Variants in EPB41L3 observed in about 807,000 individuals in gnomAD.
The protein encoded by EPB41L3 is erythrocyte membrane protein band 4.1 like 3.
In EPB41L3, 57 loss-of-function variants were observed where a neutral mutation model predicts 127.1. The observed-to-expected ratio is 0.45, with a 90% confidence interval of 0.36 to 0.56. The LOEUF (loss-of-function observed/expected upper bound fraction) is 0.56. Ranked by LOEUF, EPB41L3 falls within the 20% of genes least tolerant of loss-of-function variation. The probability of loss-of-function intolerance (pLI) is 0.00; values close to 1 mark genes in which losing one functional copy is unlikely to be tolerated. For synonymous variants in EPB41L3, 572 were observed against 549.5 expected (o/e 1.04, Z -0.57); for missense variants, 1,273 against 1,372.2 (o/e 0.93, Z 1.14).
chr18:5,569,443 C>T (rs1479107899), intron 3 of EPB41L3, among the ~76,000 whole-genome samples: 1 of 152,126 alleles, frequency 6.6e-6, no homozygotes, highest in Non-Finnish European at 1.5e-5. Flanking sequence ...AGTAGTCCCC[C>T]TAATTAGAGA....
intron 3 of EPB41L3, among the ~76,000 whole-genome samples, chr18:5,563,854 C>A (rs2094164548): frequency 1.3e-5 from 2 of 152,164 alleles, no homozygotes; most frequent in Non-Finnish European, 1.5e-5. Flanking sequence ...ATATTTCTAA[C>A]AATCCGTAAA....
intron 16 of EPB41L3, chr18:5,400,246 G>T (rs1454197825): frequency 1.1e-5 from 2 of 178,970 alleles, no homozygotes; most frequent in Non-Finnish European, 2.4e-5. Context: ...AGAAACTTTT[G>T]TATTCAGGGA....
At chr18:5,524,514 G>C (rs1417869297) in intron 1 of EPB41L3, among the ~76,000 whole-genome samples, 1 of 152,120 alleles carries the variant, frequency 6.6e-6, no homozygotes, top group African/African-American at 2.4e-5. Flanking sequence ...AACTACTATA[G>C]TACACAGCTA....
chr18:5,439,681 T>A (rs2035320841), intron 5 of EPB41L3, among the ~76,000 whole-genome samples: 1 of 152,210 alleles, frequency 6.6e-6, no homozygotes, highest in Admixed American at 6.5e-5. Flanking sequence ...TTCGTAATTG[T>A]TTTTCCCACT....
chr18:5,509,269 T>C (rs2092394790), intron 1 of EPB41L3, among the ~76,000 whole-genome samples: 1 of 152,168 alleles, frequency 6.6e-6, no homozygotes, highest in African/African-American at 2.4e-5. Context: ...CAACACCCTC[T>C]CAACCTTGGA....
At chr18:5,505,894 C>G (rs1351371076) in intron 1 of EPB41L3, among the ~76,000 whole-genome samples, 49 of 147,644 alleles carry the variant, frequency 3.3e-4, no homozygotes, top group African/African-American at 1.2e-3. Flanking sequence ...CACCCCTACC[C>G]TCCACACCTT....
intron 3 of EPB41L3, among the ~76,000 whole-genome samples, chr18:5,463,186 G>A (rs2084337382): frequency 2.6e-5 from 4 of 152,132 alleles, no homozygotes; most frequent in South Asian, 4.1e-4. Flanking sequence ...GCTGACTAGT[G>A]TCCCTGTTCT....
chr18:5,610,951 A>G (rs1450306974), intron 3 of EPB41L3, among the ~76,000 whole-genome samples: 1 of 152,210 alleles, frequency 6.6e-6, no homozygotes, highest in Non-Finnish European at 1.5e-5. Flanking sequence ...ATTGTCAAGT[A>G]GATGGAACTC....
intron 3 of EPB41L3, among the ~76,000 whole-genome samples, chr18:5,455,842 T>C (rs551131029): frequency 6.6e-6 from 1 of 151,016 alleles, no homozygotes; most frequent in Non-Finnish European, 1.5e-5. Flanking sequence ...CATTTCCTGC[T>C]GTGGATTCAG....
rs1173548762 is a variant in EPB41L3, at chr18:5,420,051, C to T, written c.1340-174G>A. ...TACCAACACAAAATACCAGGTTTGC[C>T]TTGAAAAAACAAATCAGTGCTGCAG... On this transcript the variant is annotated intron_variant, in intron 11 of 22. Transcript: ENST00000341928. The T allele has an allele frequency of 4.3e-6, 6 of 1,385,774 alleles. No homozygotes were observed. In the Admixed American group the frequency reaches 1.6e-4, roughly 36 times the overall value. The allele number at this position is 1,385,774 out of a possible 1,614,324, so 85.8% of individuals were successfully genotyped here.
At chr18:5,490,371 A>G (rs1330851729) in intron 1 of EPB41L3, among the ~76,000 whole-genome samples, 5 of 152,216 alleles carry the variant, frequency 3.3e-5, no homozygotes, top group African/African-American at 7.2e-5. Flanking sequence ...GAATTGTGCA[A>G]AAATAAAACT....
chr18:5,403,573 C>A (rs2074866078), intron 16 of EPB41L3, among the ~76,000 whole-genome samples: 1 of 145,512 alleles, frequency 6.9e-6, no homozygotes, highest in African/African-American at 2.6e-5. Context: ...TTCAAAGTAC[C>A]ATTTTGTCAC....
chr18:5,560,166 A>C (rs191036087), intron 3 of EPB41L3, among the ~76,000 whole-genome samples: 110 of 152,346 alleles, frequency 7.2e-4, no homozygotes, highest in African/African-American at 2.5e-3. Context: ...AAAAATGCTG[A>C]AAGTAATCTA....
rs1386200941 is a variant in EPB41L3, at chr18:5,543,894, C to T, written c.-12+19G>A. Reference sequence around the variant, plus strand: ...GAGACCCCCTCGCAGTCCCCCACTCCGAGAGGCGGAAAAGTTACCTGGGAT... The same window carrying T: ...GAGACCCCCTCGCAGTCCCCCACTCTGAGAGGCGGAAAAGTTACCTGGGAT... On this transcript the variant is annotated intron_variant, in intron 1 of 22. Coordinates refer to ENST00000341928, the MANE Select transcript of EPB41L3 (RefSeq NM_012307.5). This position sits in a 1 kb window ranked among gnomAD's most constrained non-coding sequence, Gnocchi z 5.2. The T allele has an allele frequency of 4.1e-6, 4 of 984,830 alleles. No homozygotes were observed. In the African/African-American group the frequency reaches 7.0e-5, roughly 17 times the overall value. The allele number at this position is 984,830 out of a possible 1,614,324, so 61.0% of individuals were successfully genotyped here. A position where few individuals can be genotyped will look rare whatever the true frequency, so the allele number is the denominator to read the frequency against.
rs751041821 is a variant in EPB41L3, at chr18:5,415,938, T to C, written c.1947A>G (p.Ser649=). The change falls in exon 13 of 23, where the codon TCA becomes TCG. Residue 649 remains serine, a synonymous_variant. Coordinates refer to ENST00000341928, the MANE Select transcript of EPB41L3 (RefSeq NM_012307.5). ...IFFFLLSASF[S]VPYALTLSFP... is the part of the protein sequence containing the mutation. ...AGGAGAGAGTGAGAGCGTATGGCAC[T>C]GAGAAGGAGGCAGACAGCAGAAAGA... The C allele has an allele frequency of 1.2e-6, 2 of 1,613,830 alleles. No homozygotes were observed. The highest frequency in any genetic ancestry group is 2.7e-5 in the African/African-American group (2 of 74,836).
intron 3 of EPB41L3, among the ~76,000 whole-genome samples, chr18:5,566,788 T>C (rs4416115): frequency 0.11 from 12,150 of 111,732 alleles, 901 homozygotes; most frequent in Non-Finnish European, 0.15. Flanking sequence ...TATTCTATTC[T>C]ATTCCATTCC....
chr18:5,456,950 G>A (rs1020252838), intron 3 of EPB41L3, among the ~76,000 whole-genome samples: 4 of 152,196 alleles, frequency 2.6e-5, no homozygotes, highest in Admixed American at 2.6e-4. Context: ...GCAGGGAGGC[G>A]CGCTCACTGC....
chr18:5,597,297 C>A (rs1373848254), intron 3 of EPB41L3, among the ~76,000 whole-genome samples: 1 of 152,120 alleles, frequency 6.6e-6, no homozygotes, highest in African/African-American at 2.4e-5. Flanking sequence ...TTTTTCTAAC[C>A]CAGAATATCC....
At position 5,393,246 on chromosome 18, in the gene EPB41L3, T is replaced by C. The variant is rs557424113; in HGVS notation, c.*239A>G. 111 of 425,392 alleles carry C rather than the reference T, an allele frequency of 2.6e-4. No homozygotes were observed. Among genetic ancestry groups the C allele is most frequent in the African/African-American group, 2.1e-3 (104 of 49,060 alleles). 26.4% of individuals were successfully genotyped at this position (425,392 alleles called of 1,614,324 possible). On this transcript the variant is annotated 3_prime_UTR_variant, in exon 23 of 23. Transcript: ENST00000341928. ...GTGAAAATTAAAAATGCTGCTCTTT[T>C]GTAATTTTATCGTTGCTTCATGCAT...
Sources: gnomAD v4.1 joint callset for allele counts (sites outside exome capture counted in the v4.1 genomes callset) on GRCh38, gnomAD v4.1.1 for gene constraint, Gnocchi (gnomAD v3.1) non-coding constraint, MANE v1.5 for transcripts, NCBI Gene and HGNC (gene_info 2026-07-23, HGNC 2026-07-21) for gene names.